Variants in C13orf42 observed in about 807,000 individuals in gnomAD.
The protein encoded by C13orf42 is uncharacterized protein C13orf42.
chr13:51,118,446 T>C (rs896852631), intron 1 of C13orf42, among the ~76,000 whole-genome samples: 1 of 152,164 alleles, frequency 6.6e-6, no homozygotes, highest in African/African-American at 2.4e-5. Context: ...AGGACACTGA[T>C]TGCTTTGTGG....
chr13:51,150,139 A>T (rs138321132), intron 1 of C13orf42, among the ~76,000 whole-genome samples: 116 of 152,382 alleles, frequency 7.6e-4, no homozygotes, highest in Non-Finnish European at 1.4e-3. Context: ...AATTATGTAG[A>T]CAAAAACACA....
At chr13:51,141,908 A>G (rs547012403) in intron 1 of C13orf42, among the ~76,000 whole-genome samples, 1 of 152,352 alleles carries the variant, frequency 6.6e-6, no homozygotes, top group South Asian at 2.1e-4. Flanking sequence ...CTTTAAAATT[A>G]TTGGTAAAGT....
At chr13:51,120,771 T>C (rs7989773) in intron 1 of C13orf42, among the ~76,000 whole-genome samples, 34,129 of 152,062 alleles carry the variant, frequency 0.22, 4,024 homozygotes, top group African/African-American at 0.3. Flanking sequence ...CCCAGCACTT[T>C]GGGAGGCTGA....
At position 51,121,604 on chromosome 13, in the gene C13orf42, C is replaced by T. The variant is rs555431229; in HGVS notation, n.137-8382G>A. On this transcript the variant is annotated intron_variant and non_coding_transcript_variant, in intron 1 of 4. Transcript: ENST00000433280. Reference sequence around the variant, plus strand: ...AGGCTGGAGTGCAGTGGCGTGGTCTCGGCTCACTGCAACCTCCACCTCCCG... The same window carrying T: ...AGGCTGGAGTGCAGTGGCGTGGTCTTGGCTCACTGCAACCTCCACCTCCCG... Among the ~76,000 whole-genome samples, 6 of 149,694 alleles carry T rather than the reference C, an allele frequency of 4.0e-5. No individual in the cohort carries two copies. In the East Asian group the frequency reaches 7.9e-4, roughly 20 times the overall value.
chr13:51,148,291 G>A (rs954796989), intron 1 of C13orf42, among the ~76,000 whole-genome samples: 2 of 152,244 alleles, frequency 1.3e-5, no homozygotes, highest in Admixed American at 6.5e-5. Flanking sequence ...ACAAGGGAGC[G>A]CCTGCCCTGT....
At chr13:51,105,005 A>G (rs1262318245) in intron 1 of C13orf42, among the ~76,000 whole-genome samples, 1 of 152,198 alleles carries the variant, frequency 6.6e-6, no homozygotes, top group Non-Finnish European at 1.5e-5. Context: ...ACATGCTAGG[A>G]TGCAGGGTGG....
intron 1 of C13orf42, among the ~76,000 whole-genome samples, chr13:51,095,864 C>A (rs747686630): frequency 6.6e-6 from 1 of 152,154 alleles, no homozygotes; most frequent in Non-Finnish European, 1.5e-5. Context: ...CTGGTTCTAT[C>A]AGTTGCTTTG....
chr13:51,118,146 G>C (rs1161420621), intron 1 of C13orf42, among the ~76,000 whole-genome samples: 1 of 152,174 alleles, frequency 6.6e-6, no homozygotes, highest in African/African-American at 2.4e-5. Flanking sequence ...GGGGTCAGAG[G>C]GAGGCAAGCA....
At chr13:51,109,630 T>C (rs1481266298) in intron 1 of C13orf42, among the ~76,000 whole-genome samples, 2 of 151,874 alleles carry the variant, frequency 1.3e-5, no homozygotes, top group African/African-American at 4.8e-5. Context: ...GGCAGGTGCC[T>C]GTAGTCCCAG....
At chr13:51,140,247 C>T (rs1422504607) in intron 1 of C13orf42, among the ~76,000 whole-genome samples, 2 of 152,208 alleles carry the variant, frequency 1.3e-5, no homozygotes, top group Non-Finnish European at 2.9e-5. Context: ...AGTTGTCCCG[C>T]CTTTCCAGAC....
At chr13:51,104,406 A>T (rs1953326731) in intron 1 of C13orf42, among the ~76,000 whole-genome samples, 1 of 152,180 alleles carries the variant, frequency 6.6e-6, no homozygotes, top group Non-Finnish European at 1.5e-5. Flanking sequence ...CATTTAGTAC[A>T]TGGAGCGTGG....
chr13:51,119,016 G>T (rs1000151647), intron 1 of C13orf42, among the ~76,000 whole-genome samples: 1 of 151,958 alleles, frequency 6.6e-6, no homozygotes, highest in Non-Finnish European at 1.5e-5. Context: ...GCATGCCCAA[G>T]AGTACAGTAT....
intron 1 of C13orf42, among the ~76,000 whole-genome samples, chr13:51,154,393 C>A (rs1953809020): frequency 1.3e-5 from 2 of 150,362 alleles, no homozygotes; most frequent in Admixed American, 1.3e-4. Flanking sequence ...TTTGAACACA[C>A]ATTTTCATTT....
intron 1 of C13orf42, among the ~76,000 whole-genome samples, chr13:51,149,528 C>T (rs1024480529): frequency 2.0e-5 from 3 of 152,014 alleles, no homozygotes; most frequent in African/African-American, 7.3e-5. Flanking sequence ...AAGCATTGAC[C>T]CTGGACATTC....
At chr13:51,158,018 A>G (rs1953837590) in intron 1 of C13orf42, among the ~76,000 whole-genome samples, 1 of 152,236 alleles carries the variant, frequency 6.6e-6, no homozygotes, top group South Asian at 2.1e-4. Context: ...AAACAACAAC[A>G]AAAAACCAGG....
chr13:51,111,572 C>T (rs536573863), upstream of C13orf42, among the ~76,000 whole-genome samples: 1 of 152,314 alleles, frequency 6.6e-6, no homozygotes, highest in East Asian at 1.9e-4. Context: ...TTTGCCTGCT[C>T]AGTTATTTTC....
At chr13:51,129,653 C>G (rs557474592) in intron 1 of C13orf42, among the ~76,000 whole-genome samples, 2 of 152,186 alleles carry the variant, frequency 1.3e-5, no homozygotes, top group South Asian at 2.1e-4. Context: ...GTTGAACGCA[C>G]GACAAAAATC....
chr13:51,147,418 C>T (rs1953744137), intron 1 of C13orf42, among the ~76,000 whole-genome samples: 1 of 148,654 alleles, frequency 6.7e-6, no homozygotes, highest in East Asian at 2.0e-4. Flanking sequence ...CTCCAGGGCT[C>T]TGTGGACTCA....
At chr13:51,120,633 G>A (rs1953527261) in intron 1 of C13orf42, among the ~76,000 whole-genome samples, 1 of 152,198 alleles carries the variant, frequency 6.6e-6, no homozygotes. Context: ...AAAGGCACCA[G>A]ATGTGGAGTT....
Sources: allele counts gnomAD v4.1 joint callset (sites outside exome capture counted in the v4.1 genomes callset), GRCh38; gene constraint gnomAD v4.1.1; transcripts MANE v1.5; gene names NCBI Gene and HGNC (gene_info 2026-07-23, HGNC 2026-07-21).